MAD1L1: variants seen among roughly 807,000 people sequenced by gnomAD.
The protein encoded by MAD1L1 is mitotic spindle assembly checkpoint protein MAD1.
In MAD1L1, 95 loss-of-function variants were observed where a neutral mutation model predicts 96.9. The observed-to-expected ratio is 0.98, with a 90% confidence interval of 0.83 to 1.16. The LOEUF (loss-of-function observed/expected upper bound fraction) is 1.16. MAD1L1 is among the 50% of genes most tolerant of loss of function. The pLI is 0.00. For missense variants in MAD1L1, 1,007 were observed against 954.4 expected (o/e 1.06, Z -0.73); for synonymous variants, 473 against 396.6 (o/e 1.19, Z -2.29).
chr7:1,976,361 G>A (rs1371007992), intron 15 of MAD1L1, among the ~76,000 whole-genome samples: 1 of 152,240 alleles, frequency 6.6e-6, no homozygotes, highest in African/African-American at 2.4e-5. Flanking sequence ...TGGTGGGTTC[G>A]TGGTCTTGCT....
chr7:2,009,769 C>G (rs1457340285), intron 13 of MAD1L1, among the ~76,000 whole-genome samples: 2 of 152,208 alleles, frequency 1.3e-5, no homozygotes, highest in Non-Finnish European at 1.5e-5. Flanking sequence ...GCAGGTCCTC[C>G]CATGGTGGAG....
At chr7:1,939,010 C>CAT (rs1778791866) in intron 16 of MAD1L1, among the ~76,000 whole-genome samples, 3 of 127,496 alleles carry the variant, frequency 2.4e-5, no homozygotes, top group East Asian at 4.5e-4. Flanking sequence ...CACACACACA[C>CAT]ACACACACAC....
chr7:2,047,406 G>A (rs1028869343), intron 12 of MAD1L1, among the ~76,000 whole-genome samples: 2 of 152,198 alleles, frequency 1.3e-5, no homozygotes, highest in African/African-American at 4.8e-5. Context: ...TATGGGTGAA[G>A]TTAACCAAAA....
Position 1,949,927 on chromosome 7 carries a change from A to C in MAD1L1, c.1596+7702T>G, listed in dbSNP as rs532524457. On this transcript the variant is annotated intron_variant, in intron 16 of 18. Transcript: ENST00000265854. ...CAGCTTTGAGGAGCCCGGACCCCCC[A>C]GGTCCCGCCTTTGAGTTTGGTTTTC... is the stretch of plus-strand genomic sequence containing the variant. Among the ~76,000 whole-genome samples, 5 of 152,328 alleles carry C rather than the reference A, an allele frequency of 3.3e-5. No homozygotes were observed. The East Asian group carries it at 9.7e-4, about 29-fold the overall frequency.
rs534437440 is a variant in MAD1L1 at position 2,001,643 on chromosome 7, G to A, written c.1416+422C>T. Among the ~76,000 whole-genome samples, 7 of 152,350 alleles carry A rather than the reference G, an allele frequency of 4.6e-5. No homozygotes were observed. In the South Asian group the frequency reaches 6.2e-4, roughly 14 times the overall value. On this transcript the variant is annotated intron_variant, in intron 14 of 18. Coordinates refer to ENST00000265854, the MANE Select transcript of MAD1L1 (RefSeq NM_001013836.2). ...CTGGTCAGGACCCATGCTGAGTGGC[G>A]CCCAAGCCCCGGCTGAGGCACTGTC...
chr7:2,111,083 C>T (rs748955838), intron 11 of MAD1L1, among the ~76,000 whole-genome samples: 11 of 152,190 alleles, frequency 7.2e-5, no homozygotes, highest in Non-Finnish European at 1.5e-4. Flanking sequence ...CCACAGGGCA[C>T]GCTGCGGCCA....
intron 18 of MAD1L1, among the ~76,000 whole-genome samples, chr7:1,843,619 CT>C (rs1435388866): frequency 6.6e-6 from 1 of 152,230 alleles, no homozygotes; most frequent in African/African-American, 2.4e-5. Context: ...AAAGTGCGTG[CT>C]TCCTCCTGGG....
At position 2,021,336 on chromosome 7, in the gene MAD1L1, A is replaced by T. The variant is rs549734380; in HGVS notation, c.1219-6694T>A. Among the ~76,000 whole-genome samples, 5 of 152,312 alleles carry T rather than the reference A, an allele frequency of 3.3e-5. No individual in the cohort carries two copies. In the South Asian group the frequency reaches 1.0e-3, roughly 32 times the overall value. ...CTTCATTATCAACCAAGAGAGTGAG[A>T]AATGCATCAGACCTCCTGACCGAAG... is the stretch of plus-strand genomic sequence containing the variant. On this transcript the variant is annotated intron_variant, in intron 12 of 18. Coordinates refer to ENST00000265854, the MANE Select transcript of MAD1L1 (RefSeq NM_001013836.2).
intron 14 of MAD1L1, among the ~76,000 whole-genome samples, chr7:1,995,905 G>A (rs898063981): frequency 1.3e-5 from 2 of 152,194 alleles, no homozygotes; most frequent in African/African-American, 4.8e-5. Context: ...GGTCCGGAAG[G>A]TGAAATGAGG....
intron 10 of MAD1L1, among the ~76,000 whole-genome samples, chr7:2,171,561 G>A (rs138935955): frequency 1.9e-4 from 29 of 151,588 alleles, no homozygotes; most frequent in African/African-American, 5.1e-4. Flanking sequence ...GAGAAGGACA[G>A]CAGAGAAGCC....
chr7:2,220,602 G>A (rs1584584281), intron 5 of MAD1L1, among the ~76,000 whole-genome samples: 2 of 152,180 alleles, frequency 1.3e-5, no homozygotes, highest in Admixed American at 6.5e-5. Context: ...CTGGCTGGGC[G>A]GCACCCTCCG....
chr7:1,885,454 C>T (rs1315732053), intron 18 of MAD1L1, among the ~76,000 whole-genome samples: 2 of 150,884 alleles, frequency 1.3e-5, no homozygotes, highest in Non-Finnish European at 2.9e-5. Flanking sequence ...TGCACTCAGA[C>T]AGGAGAGAAG....
At chr7:1,917,546 C>T (rs994530271) in intron 17 of MAD1L1, among the ~76,000 whole-genome samples, 1 of 152,254 alleles carries the variant, frequency 6.6e-6, no homozygotes, top group Non-Finnish European at 1.5e-5. Context: ...AGAGCTCCCA[C>T]TTCAATCAGG....
intron 18 of MAD1L1, among the ~76,000 whole-genome samples, chr7:1,896,744 T>C (rs1786899710): frequency 6.6e-6 from 1 of 152,190 alleles, no homozygotes; most frequent in Admixed American, 6.5e-5. Context: ...CAGTTAGTCT[T>C]CCTAAGATTC....
In MAD1L1 at chr7:2,142,468, G is replaced by C. The variant is rs1584417034; in HGVS notation, c.1073+6684C>G. On this transcript the variant is annotated intron_variant, in intron 11 of 18. Coordinates refer to ENST00000265854, the MANE Select transcript of MAD1L1 (RefSeq NM_001013836.2). The surrounding 1 kb of genome is among the most constrained non-coding windows in gnomAD (Gnocchi z 4.7). ...CACATGGGACGCACAAGGGGCAGAG[G>C]GGGACAGGAGCAGGATACAGACAGA... is the stretch of plus-strand genomic sequence containing the variant. 1.3e-5 allele frequency among the ~76,000 whole-genome samples: 2 copies of C among 152,218 alleles called. No homozygotes were observed. Among genetic ancestry groups the C allele is most frequent in the African/African-American group, 4.8e-5 (2 of 41,446 alleles).
At chr7:2,231,501 G>A (rs988160862) in intron 1 of MAD1L1, among the ~76,000 whole-genome samples, 11 of 152,016 alleles carry the variant, frequency 7.2e-5, no homozygotes, top group African/African-American at 2.2e-4. Context: ...CAGCTACTCC[G>A]GAGGCTGGGA....
Position 2,014,489 on chromosome 7 carries a change from C to A in MAD1L1, c.1359+13G>T. On this transcript the variant is annotated intron_variant, in intron 13 of 18. Transcript: ENST00000265854. ...CACCTGGCGACGTGAGCCCCACGCC[C>A]GCGGCCCCTCACCTCCATCTCGGCG... 6.4e-7 allele frequency: 1 copy of A among 1,559,442 alleles called. No individual in the cohort carries two copies. Among genetic ancestry groups the A allele is most frequent in the South Asian group, 1.2e-5 (1 of 85,244 alleles).
intron 18 of MAD1L1, among the ~76,000 whole-genome samples, chr7:1,884,548 G>T (rs1171285422): frequency 2.0e-5 from 3 of 152,204 alleles, no homozygotes; most frequent in African/African-American, 7.2e-5. Context: ...AACTCCCATT[G>T]CATCTTCCTG....
chr7:2,082,718 G>A (rs1355852296), intron 11 of MAD1L1, among the ~76,000 whole-genome samples: 3 of 152,196 alleles, frequency 2.0e-5, no homozygotes, highest in East Asian at 3.9e-4. Context: ...GTCTCTCTTT[G>A]GAATCACCCG....
Sources: allele counts gnomAD v4.1 joint callset (sites outside exome capture counted in the v4.1 genomes callset), GRCh38; gene constraint gnomAD v4.1.1; non-coding constraint Gnocchi (gnomAD v3.1); transcripts MANE v1.5; gene names NCBI Gene and HGNC (gene_info 2026-07-23, HGNC 2026-07-21).